The following CLSTN2 variants were observed in gnomAD, a reference collection of about 807,000 sequenced individuals.
CLSTN2 encodes calsyntenin-2.
In CLSTN2, 48 loss-of-function variants were observed where a neutral mutation model predicts 101.2. That is an observed-to-expected ratio of 0.47 (90% CI 0.38 to 0.60). The LOEUF is 0.60. CLSTN2 is among the 20% of genes least tolerant of loss of function. The probability of loss-of-function intolerance (pLI) is 0.00; values close to 1 mark genes in which losing one functional copy is unlikely to be tolerated. For missense variants in CLSTN2, 1,160 were observed against 1,238.2 expected (o/e 0.94, Z 0.95); for synonymous variants, 481 against 463.6 (o/e 1.04, Z -0.48).
chr3:140,315,492 A>G (rs898460977), intron 2 of CLSTN2, among the ~76,000 whole-genome samples: 4 of 152,238 alleles, frequency 2.6e-5, no homozygotes, highest in Admixed American at 1.3e-4. Context: ...TTAGTAGGCT[A>G]ATTATGAAAA....
chr3:140,127,203 A>G (rs2009449728), intron 1 of CLSTN2, among the ~76,000 whole-genome samples: 1 of 152,116 alleles, frequency 6.6e-6, no homozygotes, highest in Non-Finnish European at 1.5e-5. Flanking sequence ...AATCTGTGTT[A>G]CTGACAGGCT....
At chr3:140,450,411 T>C (rs545542820) in intron 6 of CLSTN2, among the ~76,000 whole-genome samples, 1 of 152,344 alleles carries the variant, frequency 6.6e-6, no homozygotes, top group African/African-American at 2.4e-5. Context: ...AAGTGCCTCA[T>C]GTGCTTAGTA....
At chr3:140,436,947 G>C (rs899451299) in intron 5 of CLSTN2, among the ~76,000 whole-genome samples, 1 of 152,038 alleles carries the variant, frequency 6.6e-6, no homozygotes, top group African/African-American at 2.4e-5. Context: ...GCCAGTGTCT[G>C]TCTCTGGCCT....
intron 1 of CLSTN2, among the ~76,000 whole-genome samples, chr3:140,111,446 A>T (rs77731213): frequency 7.2e-5 from 11 of 152,172 alleles, no homozygotes; most frequent in Admixed American, 1.3e-4. Context: ...GAGACCTCGC[A>T]AACGGGCCAC....
chr3:140,491,130 A>G (rs1934346164), intron 8 of CLSTN2, among the ~76,000 whole-genome samples: 1 of 152,156 alleles, frequency 6.6e-6, no homozygotes, highest in Admixed American at 6.5e-5. Context: ...TGACAACCAA[A>G]TCAAGTGTTA....
At chr3:140,236,721 C>T (rs921714939) in intron 2 of CLSTN2, among the ~76,000 whole-genome samples, 1 of 151,880 alleles carries the variant, frequency 6.6e-6, no homozygotes, top group Non-Finnish European at 1.5e-5. Context: ...TTCAAGTTCA[C>T]CACTCTTTCT....
At chr3:140,272,353 TAA>T (rs1191084378) in intron 2 of CLSTN2, among the ~76,000 whole-genome samples, 1 of 152,196 alleles carries the variant, frequency 6.6e-6, no homozygotes, top group Non-Finnish European at 1.5e-5. Flanking sequence ...ATGCTGTGAA[TAA>T]AGTCAGCAAT....
At chr3:140,110,951 A>G (rs1245963659) in intron 1 of CLSTN2, among the ~76,000 whole-genome samples, 2 of 152,136 alleles carry the variant, frequency 1.3e-5, no homozygotes, top group East Asian at 3.9e-4. Context: ...GGTTGTGGAA[A>G]CACAATCCAG....
At chr3:139,983,130 A>AT (rs34525947) in intron 1 of CLSTN2, among the ~76,000 whole-genome samples, 1 of 151,654 alleles carries the variant, frequency 6.6e-6, no homozygotes, top group Non-Finnish European at 1.5e-5. Flanking sequence ...CTAATCTGGT[A>AT]TTTTTTGTCT....
chr3:140,434,253 G>A (rs941608098), intron 5 of CLSTN2, among the ~76,000 whole-genome samples: 1 of 152,186 alleles, frequency 6.6e-6, no homozygotes, highest in African/African-American at 2.4e-5. Context: ...AGCTGGCCGA[G>A]GTTGGCCCCA....
At chr3:140,216,878 C>A (rs369649963) in intron 2 of CLSTN2, among the ~76,000 whole-genome samples, 1 of 152,200 alleles carries the variant, frequency 6.6e-6, no homozygotes, top group South Asian at 2.1e-4. Flanking sequence ...GATAATCTGA[C>A]ATATTTAATT....
intron 8 of CLSTN2, chr3:140,507,200 A>G (rs113787746): frequency 3.9e-5 from 6 of 152,166 alleles, no homozygotes; most frequent in African/African-American, 1.4e-4. Flanking sequence ...TCCTTTTAGC[A>G]CTTATGAGGT....
chr3:140,448,406 A>C, intron 5 of CLSTN2, 113 bp from the exon 6 acceptor site: 2 of 843,324 alleles, frequency 2.4e-6, no homozygotes, highest in Non-Finnish European at 3.8e-6. Context: ...CTAATATCTA[A>C]TATATGTGTT....
chr3:140,311,469 C>A (rs9874067), intron 2 of CLSTN2, among the ~76,000 whole-genome samples: 1 of 143,478 alleles, frequency 7.0e-6, no homozygotes. Context: ...CTATGCCTGG[C>A]TAATTTTTTT....
At chr3:140,273,174 A>G (rs1447031898) in intron 2 of CLSTN2, among the ~76,000 whole-genome samples, 1 of 152,092 alleles carries the variant, frequency 6.6e-6, no homozygotes, top group Non-Finnish European at 1.5e-5. Flanking sequence ...CTCTTCTTAA[A>G]AACATTCATT....
chr3:140,371,396 A>T (rs953459538), intron 2 of CLSTN2, among the ~76,000 whole-genome samples: 21 of 152,292 alleles, frequency 1.4e-4, no homozygotes, highest in African/African-American at 4.8e-4. Flanking sequence ...GTGGGAAACA[A>T]GGAGCTGTCA....
chr3:140,184,669 G>C (rs905271686), intron 2 of CLSTN2, among the ~76,000 whole-genome samples: 1 of 152,130 alleles, frequency 6.6e-6, no homozygotes, highest in Non-Finnish European at 1.5e-5. Flanking sequence ...ACTAAAGGGC[G>C]TGGGGGGTAG....
chr3:139,976,173 T>G (rs1935813758), intron 1 of CLSTN2, among the ~76,000 whole-genome samples: 1 of 152,128 alleles, frequency 6.6e-6, no homozygotes, highest in South Asian at 2.1e-4. Context: ...GCCTGTAGAT[T>G]ATAGGAAGAG....
intron 6 of CLSTN2, among the ~76,000 whole-genome samples, chr3:140,450,431 G>C (rs1193549612): frequency 6.6e-6 from 1 of 152,182 alleles, no homozygotes; most frequent in African/African-American, 2.4e-5. Flanking sequence ...AAGTCAGACT[G>C]TTGACATGGT....
Sources: gnomAD v4.1 joint callset for allele counts (sites outside exome capture counted in the v4.1 genomes callset) on GRCh38, gnomAD v4.1.1 for gene constraint, MANE v1.5 for transcripts, NCBI Gene and HGNC (gene_info 2026-07-23, HGNC 2026-07-21) for gene names.